The following PDIA5 variants were observed in gnomAD, a reference collection of about 807,000 sequenced individuals.
PDIA5 encodes the protein protein disulfide isomerase family A member 5.
A neutral mutation model predicts 77.6 loss-of-function variants in PDIA5; 58 were observed. That is an observed-to-expected ratio of 0.75 (90% CI 0.61 to 0.93). PDIA5 has a LOEUF of 0.93. Among genes scored for constraint, PDIA5 ranks in the 40% least tolerant of loss-of-function variants. The pLI, the probability that PDIA5 is intolerant of heterozygous loss-of-function variation, is 0.00. For missense variants in PDIA5, 630 were observed against 647.7 expected, an observed-to-expected ratio of 0.97 and a Z score of 0.30; for synonymous variants, 250 against 252.1, an observed-to-expected ratio of 0.99 and a Z score of 0.08.
At chr3:123,159,481 C>A (rs1381976044) in intron 15 of PDIA5, among the ~76,000 whole-genome samples, 1 of 152,224 alleles carries the variant, frequency 6.6e-6, no homozygotes, top group Non-Finnish European at 1.5e-5. Flanking sequence ...AGGACAGCTG[C>A]CTCTCTGCCC....
At chr3:123,092,606 G>C (rs750001290) in intron 3 of PDIA5, among the ~76,000 whole-genome samples, 164 bp downstream of exon 3, 23 of 152,212 alleles carry the variant, frequency 1.5e-4, no homozygotes, top group Non-Finnish European at 2.9e-4. Flanking sequence ...GACTGGAAGA[G>C]TGGTGTCTGG....
chr3:123,124,421 C>G, intron 10 of PDIA5, 78 bp downstream of exon 10: 1 of 1,008,670 alleles, frequency 9.9e-7, no homozygotes, highest in South Asian at 1.3e-5. Flanking sequence ...TCGCAGGGCT[C>G]TGGCTGGAGG....
At chr3:123,071,306 G>A (rs535892912) in intron 1 of PDIA5, among the ~76,000 whole-genome samples, 1 of 152,030 alleles carries the variant, frequency 6.6e-6, no homozygotes, top group Non-Finnish European at 1.5e-5. Context: ...AATGTAAATC[G>A]GGTTCTTCCC....
intron 11 of PDIA5, among the ~76,000 whole-genome samples, chr3:123,141,845 G>T (rs1324433483): frequency 1.3e-5 from 2 of 152,236 alleles, no homozygotes; most frequent in East Asian, 1.9e-4. Context: ...ATGTGGGCCA[G>T]TGTGGAAAGA....
At chr3:123,161,829 AG>A (rs748555605) in intron 16 of PDIA5, 50 bp from the exon 17 acceptor site, 2 of 1,187,686 alleles carry the variant, frequency 1.7e-6, no homozygotes, top group Admixed American at 3.4e-5. Flanking sequence ...GTGCACAGCC[AG>A]CTCAGGGATT....
chr3:123,074,034 G>C (rs1299363859), intron 1 of PDIA5, among the ~76,000 whole-genome samples: 1 of 152,198 alleles, frequency 6.6e-6, no homozygotes, highest in African/African-American at 2.4e-5. Context: ...TCATCACAGG[G>C]TCTAGTCTTA....
At chr3:123,112,086 A>T in intron 7 of PDIA5, among the ~76,000 whole-genome samples, 1 of 152,190 alleles carries the variant, frequency 6.6e-6, no homozygotes, top group Non-Finnish European at 1.5e-5. Context: ...CAAAGCCTCA[A>T]ATATTCACTG....
intron 15 of PDIA5, 137 bp from the exon 16 acceptor site, chr3:123,161,184 G>C: frequency 1.2e-6 from 1 of 856,174 alleles, no homozygotes; most frequent in Non-Finnish European, 1.8e-6. Flanking sequence ...GGGGTGCTTT[G>C]GTTCAGTTCC....
At chr3:123,155,312 T>G (rs1456469244) in intron 15 of PDIA5, among the ~76,000 whole-genome samples, 1 of 152,160 alleles carries the variant, frequency 6.6e-6, no homozygotes, top group Non-Finnish European at 1.5e-5. Context: ...TTTTTTAGTG[T>G]TTGAACCTTT....
Position 123,083,107 on chromosome 3 carries a change from G to A in PDIA5, c.43-6061G>A, listed in dbSNP as rs534016053. Among the ~76,000 whole-genome samples the A allele has an allele frequency of 6.7e-3, 1,018 of 152,144 alleles. 5 individuals carry two copies. Among genetic ancestry groups the A allele is most frequent in the Admixed American group, 0.011 (169 of 15,290 alleles). ...CATTGCCTCCAGCCATGGCAGAGGT[G>A]GGCAGTGAGGACCTCCGTGCCTGGC... On this transcript the variant is annotated intron_variant, in intron 1 of 16. Transcript: ENST00000316218.
chr3:123,086,843 T>C (rs2107916953), intron 1 of PDIA5, among the ~76,000 whole-genome samples: 1 of 152,368 alleles, frequency 6.6e-6, no homozygotes, highest in Non-Finnish European at 1.5e-5. Context: ...GTAAATGTTA[T>C]ACATCTGATA....
chr3:123,085,017 C>T (rs1240531324), intron 1 of PDIA5, among the ~76,000 whole-genome samples: 1 of 152,214 alleles, frequency 6.6e-6, no homozygotes, highest in Non-Finnish European at 1.5e-5. Flanking sequence ...AGAGCCCAGC[C>T]TGCCCCCACT....
intron 14 of PDIA5, 53 bp from the exon 15 acceptor site, chr3:123,154,918 G>C: frequency 1.6e-6 from 2 of 1,224,740 alleles, no homozygotes; most frequent in South Asian, 2.4e-5. Context: ...TGGCCCTGCA[G>C]CCTCCCTGCA....
chr3:123,131,917 C>T (rs566437525), intron 11 of PDIA5, among the ~76,000 whole-genome samples: 4 of 152,106 alleles, frequency 2.6e-5, no homozygotes, highest in African/African-American at 9.6e-5. Context: ...GAGGTCAGTG[C>T]CTCATGGAGC....
At chr3:123,075,024 T>C (rs907653449) in intron 1 of PDIA5, among the ~76,000 whole-genome samples, 2 of 152,222 alleles carry the variant, frequency 1.3e-5, no homozygotes, top group African/African-American at 4.8e-5. Context: ...TATTTCTGTT[T>C]GGTAAAGAAG....
chr3:123,097,581 C>A (rs760203672), intron 3 of PDIA5, among the ~76,000 whole-genome samples: 1 of 152,282 alleles, frequency 6.6e-6, no homozygotes, highest in South Asian at 2.1e-4. Context: ...TCCAGGACTT[C>A]TCTCTCATTG....
Position 123,130,472 on chromosome 3 carries a change from T to G in PDIA5, c.774-8T>G, listed in dbSNP as rs772424984. ...TGCTCTGAGCTCTGCCTGTTTTTGG[T>G]CTTCCAGTCCGCAGCCGCCACAGCC... On this transcript the variant is annotated splice_region_variant and splice_polypyrimidine_tract_variant and intron_variant, in intron 10 of 16. Coordinates refer to ENST00000316218, the MANE Select transcript of PDIA5 (RefSeq NM_006810.4). The G allele has an allele frequency of 2.1e-5, 34 of 1,612,096 alleles. No individual in the cohort carries two copies. The highest frequency in any genetic ancestry group is 2.8e-5 in the Non-Finnish European group (33 of 1,179,008).
At chr3:123,156,594 T>C (rs1936024529) in intron 15 of PDIA5, among the ~76,000 whole-genome samples, 1 of 152,198 alleles carries the variant, frequency 6.6e-6, no homozygotes, top group Admixed American at 6.5e-5. Flanking sequence ...GTCCATCACG[T>C]GCCACCCAGA....
chr3:123,071,552 C>G (rs1032780818), intron 1 of PDIA5, among the ~76,000 whole-genome samples: 1 of 152,124 alleles, frequency 6.6e-6, no homozygotes, highest in African/African-American at 2.4e-5. Flanking sequence ...CTGTTTGGAA[C>G]CTGTAGTGCA....
Sources: allele counts gnomAD v4.1 joint callset (sites outside exome capture counted in the v4.1 genomes callset), GRCh38; gene constraint gnomAD v4.1.1; transcripts MANE v1.5; gene names NCBI Gene and HGNC (gene_info 2026-07-23, HGNC 2026-07-21).